AWAT1: variants seen among roughly 807,000 people sequenced by gnomAD.
The protein encoded by AWAT1 is diacyl-glycerol acyltransferase 2.
A neutral mutation model predicts 21.6 loss-of-function variants in AWAT1; 26 were observed. That is an observed-to-expected ratio of 1.20 (90% confidence interval 0.88 to 1.67). AWAT1 has a LOEUF of 1.67. AWAT1 is among the 40% of genes most tolerant of loss of function. AWAT1 has a pLI of 0.00. For missense variants in AWAT1, 264 were observed against 249.4 expected, an observed-to-expected ratio of 1.06 and a Z score of -0.39; for synonymous variants, 102 against 99.3, an observed-to-expected ratio of 1.03 and a Z score of -0.16.
Position 70,238,192 on chromosome X carries a change from T to G in AWAT1, c.461-20T>G, listed in dbSNP as rs2085522962. On this transcript the variant is annotated intron_variant, in intron 4 of 6. Coordinates refer to ENST00000374521, the MANE Select transcript of AWAT1 (RefSeq NM_001013579.3). ...CAATTTTCTCCTCTCCTGATCATTT[T>G]GCTCCTTGATTCTCTTTAGGTGTGT... is the stretch of plus-strand genomic sequence containing the variant. 8.4e-7 allele frequency: 1 copy of G among 1,186,071 alleles called. No individual in the cohort carries two copies. The highest frequency in any genetic ancestry group is 1.1e-6 in the Non-Finnish European group (1 of 877,908).
Position 70,237,333 on chromosome X carries a change from C to G in AWAT1, c.460+85C>G, listed in dbSNP as rs58633020. On this transcript the variant is annotated intron_variant, in intron 4 of 6. Transcript: ENST00000374521. ...TTTTAAATTCCATCCCCTCCTCCCC[C>G]CACCCGCCCCCATGTCATTATGGCA... 11,123 of 836,459 alleles carry G rather than the reference C, an allele frequency of 0.013. 608 individuals carry two copies. The African/African-American group carries it at 0.17, about 13-fold the overall frequency. 68.9% of individuals were successfully genotyped at this position (836,459 alleles called of 1,213,427 possible). A position where few individuals can be genotyped will look rare whatever the true frequency, so the allele number is the denominator to read the frequency against.
chrX:70,240,117 T>C lies in AWAT1; in HGVS notation c.833-19T>C. ...GGTCCTAACACTTTCCTCTTCTCTT[T>C]TCCGATCTCTCTTGGCAGTTGGGGA... On this transcript the variant is annotated intron_variant, in intron 6 of 6. Coordinates refer to ENST00000374521, the MANE Select transcript of AWAT1 (RefSeq NM_001013579.3). 1.7e-6 allele frequency: 2 copies of C among 1,208,116 alleles called. No individual in the cohort carries two copies. Among genetic ancestry groups the C allele is most frequent in the Non-Finnish European group, 2.2e-6 (2 of 893,873 alleles).
chrX:70,239,981 C>T, intron 6 of AWAT1, 47 bp downstream of exon 6: 1 of 1,170,311 alleles, frequency 8.5e-7, no homozygotes, highest in East Asian at 3.0e-5. Context: ...TTCTCAACCT[C>T]AACCTCAGCC....
intron 4 of AWAT1, among the ~76,000 whole-genome samples, chrX:70,237,491 G>A (rs763475841): frequency 5.5e-5 from 6 of 109,720 alleles, no homozygotes; most frequent in Non-Finnish European, 1.1e-4. Context: ...AAAATAGTCT[G>A]ACATCAGTTG....
chrX:70,238,276 G>C lies in AWAT1; in HGVS notation c.525G>C (p.Val175=), dbSNP rs1340820489. 1 of 1,211,045 alleles carries C rather than the reference G, an allele frequency of 8.3e-7. No homozygotes were observed. The highest frequency in any genetic ancestry group is 1.8e-5 in the South Asian group (1 of 56,901). Residue 175 remains valine (V), a synonymous_variant, in exon 5 of 7, where the codon GTG becomes GTC. Coordinates refer to ENST00000374521, the MANE Select transcript of AWAT1 (RefSeq NM_001013579.3). ...YLLSHGTGNL[V]GIVVGGVGEA... ...TGAGCCATGGCACTGGCAACCTCGT[G>C]GGCATTGTAGTGGGAGGTGTGGGTG...
chrX:70,238,901 C>G (rs60098925), intron 5 of AWAT1, among the ~76,000 whole-genome samples: 3,825 of 112,677 alleles, frequency 0.034, 50 homozygotes, highest in South Asian at 0.11. Context: ...CCCTGGCACA[C>G]TGTAAGAGAT....
At position 70,239,775 on chromosome X, in the gene AWAT1, G is replaced by A; in HGVS notation, c.673G>A (p.Val225Met). The change falls in exon 6 of 7, where the codon GTG (valine) becomes ATG (methionine). Residue 225 changes from valine to methionine, a missense_variant. Transcript: ENST00000374521. Reference sequence around the variant, plus strand: ...CACCTTCACTTTTGGGGAAACTGAGGTGTATGATCAGGTGCTGTTCCATAA... The same window carrying A: ...CACCTTCACTTTTGGGGAAACTGAGATGTATGATCAGGTGCTGTTCCATAA... ...VPTFTFGETE[V>M]YDQVLFHKDS... 8.3e-7 allele frequency: 1 copy of A among 1,211,417 alleles called. No homozygotes were observed. Among genetic ancestry groups the A allele is most frequent in the Non-Finnish European group, 1.1e-6 (1 of 895,192 alleles).
intron 5 of AWAT1, 104 bp from the exon 6 acceptor site, chrX:70,239,631 G>A: frequency 1.4e-6 from 1 of 736,264 alleles, no homozygotes; most frequent in Admixed American, 2.4e-5. Context: ...ATGTCACCAG[G>A]ATTTCATCAA....
chrX:70,237,059 G>A lies in AWAT1; in HGVS notation c.271G>A (p.Asp91Asn). The change falls in exon 4 of 7, where the codon GAC (aspartate) becomes AAC (asparagine). Residue 91 changes from aspartate (D) to asparagine (N), a missense_variant. By Grantham distance (23) the Asp-to-Asn change is conservative. Coordinates refer to ENST00000374521, the MANE Select transcript of AWAT1 (RefSeq NM_001013579.3). ...ATGGCTGCAGATCCTGAAGACAAAG[G>A]ACCTATCACCTGAGCACAACTACCT... ...YFPITILKTK[D>N]LSPEHNYLMG... 16 of 1,206,042 alleles carry A rather than the reference G, an allele frequency of 1.3e-5. No individual in the cohort carries two copies. Among genetic ancestry groups the A allele is most frequent in the Non-Finnish European group, 1.7e-5 (15 of 892,409 alleles).
Position 70,238,912 on chromosome X carries a change from C to G in AWAT1, c.632+529C>G, listed in dbSNP as rs186979247. ...ATGTCCCTGGCACACTGTAAGAGAT[C>G]AATAAATGTTAGTATTTGTGATTTA... On this transcript the variant is annotated intron_variant, in intron 5 of 6. Transcript: ENST00000374521. Among the ~76,000 whole-genome samples the G allele has an allele frequency of 2.7e-4, 31 of 112,818 alleles. 2 individuals are homozygous for G. Among genetic ancestry groups the G allele is most frequent in the East Asian group, 1.9e-3 (7 of 3,604 alleles).
At chrX:70,235,309 C>T (rs931631878) in intron 1 of AWAT1, among the ~76,000 whole-genome samples, 1 of 109,728 alleles carries the variant, frequency 9.1e-6, no homozygotes, top group Admixed American at 9.8e-5. Context: ...GGATGGGCAG[C>T]GTGTAGGAAG....
At chrX:70,240,009 A>G in intron 6 of AWAT1, 75 bp downstream of exon 6, 2 of 1,133,003 alleles carry the variant, frequency 1.8e-6, no homozygotes, top group South Asian at 3.8e-5. Context: ...ACCAAAGAAG[A>G]GGGCAGCAGA....
At position 70,236,101 on chromosome X, in the gene AWAT1, T is replaced by A. The variant is rs190171806; in HGVS notation, c.217T>A (p.Cys73Ser). ...GRRSAWVRNW[C>S]VWTHIRDYFP... is the part of the protein sequence containing the mutation. ...GCGTTCGGCCTGGGTAAGGAACTGG[T>A]GTGTCTGGACCCACATCAGGGACTA... The change falls in exon 3 of 7, where the codon TGT (cysteine) becomes AGT (serine). Residue 73 changes from cysteine (C) to serine (S), a missense_variant. Coordinates refer to ENST00000374521, the MANE Select transcript of AWAT1 (RefSeq NM_001013579.3). The A allele has an allele frequency of 3.3e-6, 4 of 1,209,600 alleles. No homozygotes were observed. The African/African-American group carries it at 5.2e-5, about 16-fold the overall frequency.
chrX:70,240,173 A>T lies in AWAT1; in HGVS notation c.870A>T (p.Pro290=), dbSNP rs769985471. The part of the protein sequence containing the change: ...EPLPLPQIEK[P]SQEMVDKYHA... ...TGCCACTGCCCCAAATTGAAAAGCC[A>T]AGCCAGGAGATGGTGGACAAATACC... The change falls in exon 7 of 7, where the codon CCA becomes CCT. Residue 290 remains proline (P), a synonymous_variant. Coordinates refer to ENST00000374521, the MANE Select transcript of AWAT1 (RefSeq NM_001013579.3). 1 of 1,211,519 alleles carries T rather than the reference A, an allele frequency of 8.3e-7. No individual in the cohort carries two copies. The highest frequency in any genetic ancestry group is 1.1e-6 in the Non-Finnish European group (1 of 895,304).
At position 70,238,395 on chromosome X, in the gene AWAT1, C is replaced by G. The variant is rs781404630; in HGVS notation, c.632+12C>G. The G allele has an allele frequency of 8.5e-7, 1 of 1,173,046 alleles. No homozygotes were observed. Among genetic ancestry groups the G allele is most frequent in the Non-Finnish European group, 1.1e-6 (1 of 870,871 alleles). On this transcript the variant is annotated intron_variant, in intron 5 of 6. Coordinates refer to ENST00000374521, the MANE Select transcript of AWAT1 (RefSeq NM_001013579.3). ...GCCCTCCAGCATGGGTAGGTGTTCC[C>G]CACAGAGGGGCAGTGCATGGTGTTC...
At chrX:70,238,163 T>A (rs752846575) in intron 4 of AWAT1, 49 bp from the exon 5 acceptor site, 10 of 1,139,890 alleles carry the variant, frequency 8.8e-6, no homozygotes, top group Non-Finnish European at 1.2e-5. Context: ...GTGTTCCCTC[T>A]TAGCAATTTT....
chrX:70,234,752 T>C lies in AWAT1; in HGVS notation c.57T>C (p.Pro19=), dbSNP rs1022620157. The change falls in exon 1 of 7, where the codon CCT becomes CCC. Residue 19 remains proline (P), a synonymous_variant. Coordinates refer to ENST00000374521, the MANE Select transcript of AWAT1 (RefSeq NM_001013579.3). ...AGAGTCTGATGCTTCTGCAGTGGCC[T>C]TTGAGCTACCTTGCCATCTGTGAGT... is the stretch of plus-strand genomic sequence containing the variant. ...HFQSLMLLQW[P]LSYLAIFWIL... 4.1e-6 allele frequency: 5 copies of C among 1,207,263 alleles called. No individual in the cohort carries two copies. The Admixed American group carries it at 6.6e-5, about 16-fold the overall frequency.
intron 3 of AWAT1, 125 bp from the exon 4 acceptor site, chrX:70,236,919 C>A: frequency 1.6e-6 from 1 of 609,832 alleles, no homozygotes; most frequent in Non-Finnish European, 2.6e-6. Context: ...CTCCTGAAAC[C>A]CATTCAGGAA....
chrX:70,236,460 G>A (rs763320336), intron 3 of AWAT1, among the ~76,000 whole-genome samples: 15 of 111,739 alleles, frequency 1.3e-4, no homozygotes, highest in East Asian at 5.6e-4. Flanking sequence ...CTCTGCCATC[G>A]AGGAGCTCAC....
Sources: gnomAD v4.1 joint callset for allele counts (sites outside exome capture counted in the v4.1 genomes callset) on GRCh38, gnomAD v4.1.1 for gene constraint, MANE v1.5 for transcripts, NCBI Gene and HGNC (gene_info 2026-07-23, HGNC 2026-07-21) for gene names.